The following POPDC2 variants were observed in gnomAD, a reference collection of about 807,000 sequenced individuals.
POPDC2 encodes the protein popeye domain-containing protein 2.
A neutral mutation model predicts 30.5 loss-of-function variants in POPDC2; 24 were observed. The ratio of observed to expected loss-of-function variants is 0.79; its 90% confidence interval spans 0.57 to 1.11. The LOEUF is 1.11. Among genes scored for constraint, POPDC2 ranks in the 50% least tolerant of loss-of-function variants. The pLI is 0.00. For missense variants in POPDC2, 409 were observed against 447.0 expected, an observed-to-expected ratio of 0.91 and a Z score of 0.77; for synonymous variants, 185 against 183.3, an observed-to-expected ratio of 1.01 and a Z score of -0.07.
rs150472155 is a variant in POPDC2 at position 119,655,196 on chromosome 3, C to T, written c.492-583G>A. ...TACAAAAATTAGCCAGGTATGGTGG[C>T]GGGTGCCTGTAATCCCAGCTACTTG... On this transcript the variant is annotated intron_variant, in intron 1 of 3. Coordinates refer to ENST00000493094, the MANE Select transcript of POPDC2 (RefSeq NM_001369919.2). Among the ~76,000 whole-genome samples, 339 of 152,024 alleles carry T rather than the reference C, an allele frequency of 2.2e-3. 7 individuals carry two copies. In the East Asian group the frequency reaches 0.051, roughly 23 times the overall value.
chr3:119,651,794 C>T (rs1278542425), intron 2 of POPDC2, among the ~76,000 whole-genome samples: 1 of 152,122 alleles, frequency 6.6e-6, no homozygotes, highest in Admixed American at 6.6e-5. Context: ...TGCCACCACC[C>T]TGGCTAATTT....
chr3:119,648,685 G>A lies in POPDC2; in HGVS notation c.601-17C>T. On this transcript the variant is annotated splice_polypyrimidine_tract_variant and intron_variant, in intron 2 of 3. Coordinates refer to ENST00000493094, the MANE Select transcript of POPDC2 (RefSeq NM_001369919.2). ...CAGAGTGACCTGAGAGGGGTCAGAAGCAGACAATAAAAGTTTAAACTAGAA... is the reference window on the plus strand; with the variant it reads ...CAGAGTGACCTGAGAGGGGTCAGAAACAGACAATAAAAGTTTAAACTAGAA... The A allele has an allele frequency of 6.3e-7, 1 of 1,592,964 alleles. No homozygotes were observed. Among genetic ancestry groups the A allele is most frequent in the Non-Finnish European group, 8.5e-7 (1 of 1,170,000 alleles).
In POPDC2 at chr3:119,659,975, C is replaced by T; in HGVS notation, c.449G>A (p.Gly150Asp). 6.2e-7 allele frequency: 1 copy of T among 1,605,208 alleles called. No homozygotes were observed. Among genetic ancestry groups the T allele is most frequent in the Non-Finnish European group, 8.5e-7 (1 of 1,172,874 alleles). The change falls in exon 1 of 4, where the codon GGT becomes GAT. Residue 150 changes from glycine (G) to aspartate (D), a missense_variant. Transcript: ENST00000493094. ...LATEQTYAVE[G>D]ETPINRLSLL... ...GGACAGGCGGTTGATGGGTGTCTCA[C>T]CCTCCACAGCATAGGTCTGTTCAGT...
At chr3:119,645,021 G>C (rs1030493930) in intron 3 of POPDC2, among the ~76,000 whole-genome samples, 3 of 152,110 alleles carry the variant, frequency 2.0e-5, no homozygotes, top group African/African-American at 7.2e-5. Context: ...AAGTTGTTCT[G>C]AAAACCTCTA....
At chr3:119,653,546 C>T (rs577284782) in intron 2 of POPDC2, among the ~76,000 whole-genome samples, 2 of 151,594 alleles carry the variant, frequency 1.3e-5, no homozygotes, top group South Asian at 2.1e-4. Context: ...GGCGCAATCT[C>T]GGCTCACTGC....
rs1239250886 is a variant in POPDC2 at position 119,657,924 on chromosome 3, C to T, written c.491+2009G>A. On this transcript the variant is annotated intron_variant, in intron 1 of 3. Coordinates refer to ENST00000493094, the MANE Select transcript of POPDC2 (RefSeq NM_001369919.2). ...ATATGAGAGAAACGTCTAAGTTAAG[C>T]GCTGCTTAACAGGGTGATAGACTTT... Among the ~76,000 whole-genome samples the T allele has an allele frequency of 5.3e-5, 8 of 152,158 alleles. No individual in the cohort carries two copies. In the South Asian group the frequency reaches 1.0e-3, roughly 20 times the overall value.
intron 2 of POPDC2, among the ~76,000 whole-genome samples, chr3:119,651,638 A>G (rs188030322): frequency 0.013 from 1,817 of 136,630 alleles, 33 homozygotes; most frequent in African/African-American, 0.047. Flanking sequence ...TTCTTCCCCC[A>G]CCCCACCGCC....
chr3:119,656,983 T>G lies in POPDC2; in HGVS notation c.492-2370A>C, dbSNP rs548984985. On this transcript the variant is annotated intron_variant, in intron 1 of 3. Transcript: ENST00000493094. ...AGTCACAGGCACATAAATAACTGGC[T>G]GCAAGTCAATGTGATAGGTGCTATT... 4.0e-4 allele frequency among the ~76,000 whole-genome samples: 61 copies of G among 152,318 alleles called. 1 individual carries two copies. The highest frequency in any genetic ancestry group is 1.4e-3 in the African/African-American group (57 of 41,570).
intron 3 of POPDC2, among the ~76,000 whole-genome samples, chr3:119,647,349 G>C (rs986448285): frequency 6.6e-6 from 1 of 152,178 alleles, no homozygotes; most frequent in Non-Finnish European, 1.5e-5. Context: ...GGAAACATGA[G>C]AGCAATTTCC....
At chr3:119,658,916 CTTTTT>C (rs35687726) in intron 1 of POPDC2, among the ~76,000 whole-genome samples, 4 of 139,642 alleles carry the variant, frequency 2.9e-5, no homozygotes, top group Admixed American at 7.0e-5. Flanking sequence ...TCTGGATTTG[CTTTTT>C]TTTTTTTTTT....
intron 1 of POPDC2, among the ~76,000 whole-genome samples, chr3:119,658,385 C>T (rs693397): frequency 0.36 from 55,497 of 152,122 alleles, 10,746 homozygotes; most frequent in East Asian, 0.66. Flanking sequence ...GCCCCCCTCT[C>T]CCCTTCACTG....
At chr3:119,654,637 A>C in intron 1 of POPDC2, 24 bp from the exon 2 acceptor site, 5 of 1,591,964 alleles carry the variant, frequency 3.1e-6, no homozygotes, top group Non-Finnish European at 4.3e-6. Context: ...AGAAGAGATC[A>C]TGTGGGAAAA....
At chr3:119,642,677 G>C in intron 3 of POPDC2, 116 bp from the exon 4 acceptor site, 1 of 651,816 alleles carries the variant, frequency 1.5e-6, no homozygotes, top group South Asian at 1.8e-5. Context: ...TGTTTTAACT[G>C]TACTCACTGC....
chr3:119,659,001 T>C (rs1436191509), intron 1 of POPDC2, among the ~76,000 whole-genome samples: 2 of 151,734 alleles, frequency 1.3e-5, no homozygotes, highest in East Asian at 3.9e-4. Context: ...TCAAGAAAGC[T>C]GGTGGAGTGG....
chr3:119,653,020 GTGAGT>G (rs2052830022), intron 2 of POPDC2, among the ~76,000 whole-genome samples: 1 of 17,414 alleles, frequency 5.7e-5, no homozygotes, highest in South Asian at 3.4e-3. Flanking sequence ...CCTTAAAAGG[GTGAGT>G]GAGTGTGTGT....
chr3:119,660,607 A>G (rs886575062), upstream of POPDC2: 1 of 604,254 alleles, frequency 1.7e-6, no homozygotes, highest in African/African-American at 1.9e-5. Flanking sequence ...AGTACACTTC[A>G]TGGAGAATTT....
rs769313547 is a variant in POPDC2, at chr3:119,648,402, G to A, written c.867C>T (p.Val289=). 1.9e-6 allele frequency: 3 copies of A among 1,614,030 alleles called. No homozygotes were observed. In the South Asian group the frequency reaches 3.3e-5, roughly 18 times the overall value. The change falls in exon 3 of 4, where the codon GTC becomes GTT. Residue 289 remains valine, a synonymous_variant. Coordinates refer to ENST00000493094, the MANE Select transcript of POPDC2 (RefSeq NM_001369919.2). ...GAGGAGGGGACACAGCTGGCTCACA[G>A]ACTTCCTCATCACCCTTCTCGGACT... The part of the protein sequence containing the change: ...GPESEKGDEE[V]CEPAVSPPQA...
rs1356876353 is a variant in POPDC2, at chr3:119,648,594, T to G, written c.675A>C (p.Lys225Asn). 3 of 1,614,006 alleles carry G rather than the reference T, an allele frequency of 1.9e-6. No individual in the cohort carries two copies. Among genetic ancestry groups the G allele is most frequent in the Non-Finnish European group, 2.5e-6 (3 of 1,180,030 alleles). Residue 225 changes from lysine to asparagine, a missense_variant, in exon 3 of 4, where the codon AAA becomes AAC. By Grantham distance (94) the Lys-to-Asn change is moderately conservative (BLOSUM62 0). Coordinates refer to ENST00000493094, the MANE Select transcript of POPDC2 (RefSeq NM_001369919.2). ...PRKSLHLLLT[K>N]ERYISCLFSA... The stretch of plus-strand genomic sequence containing the variant: ...AGAAGAGGCAGGAGATGTATCGCTC[T>G]TTGGTCAGAAGAAGATGGAGACTTT...
At position 119,650,357 on chromosome 3, in the gene POPDC2, GA is replaced by G. The variant is rs367546925; in HGVS notation, c.601-1690del. Among the ~76,000 whole-genome samples, 10 of 150,634 alleles carry G rather than the reference GA, an allele frequency of 6.6e-5. No individual in the cohort carries two copies. In the East Asian group the frequency reaches 1.4e-3, roughly 20 times the overall value. Reference sequence around the variant, plus strand: ...TTCCCTTTTTAGCAAAACTCATGAAGAAAAAAAAACCTGTTTATACTTAACT... The same window carrying G: ...TTCCCTTTTTAGCAAAACTCATGAAGAAAAAAAACCTGTTTATACTTAACT... On this transcript the variant is annotated intron_variant, in intron 2 of 3. Coordinates refer to ENST00000493094, the MANE Select transcript of POPDC2 (RefSeq NM_001369919.2).
Sources: gnomAD v4.1 joint callset for allele counts (sites outside exome capture counted in the v4.1 genomes callset) on GRCh38, gnomAD v4.1.1 for gene constraint, MANE v1.5 for transcripts, NCBI Gene and HGNC (gene_info 2026-07-23, HGNC 2026-07-21) for gene names.